GABRA5: variants seen among roughly 807,000 people sequenced by gnomAD.
The protein encoded by GABRA5 is gamma-aminobutyric acid receptor subunit alpha-5.
A neutral mutation model predicts 47.3 loss-of-function variants in GABRA5; 18 were observed. The ratio of observed to expected loss-of-function variants is 0.38; its 90% CI spans 0.26 to 0.56. GABRA5 has a LOEUF of 0.56. Among genes scored for constraint, GABRA5 ranks in the 20% least tolerant of loss-of-function variants. The pLI is 0.71. For missense variants in GABRA5, 365 were observed against 599.3 expected, an observed-to-expected ratio of 0.61 and a Z score of 4.08; for synonymous variants, 237 against 229.3, an observed-to-expected ratio of 1.03 and a Z score of -0.30.
intron 3 of GABRA5, among the ~76,000 whole-genome samples, chr15:26,874,254 G>C (rs1169941420): frequency 1.3e-5 from 2 of 152,042 alleles, no homozygotes; most frequent in East Asian, 3.9e-4. Context: ...ATGTATATGA[G>C]TGTATCATAT....
chr15:26,911,772 C>A (rs554822284), intron 6 of GABRA5, among the ~76,000 whole-genome samples: 1 of 152,138 alleles, frequency 6.6e-6, no homozygotes, highest in Non-Finnish European at 1.5e-5. Context: ...GGGGGTAACT[C>A]GGACTCTCCA....
At chr15:26,887,638 C>A (rs1003846661) in intron 6 of GABRA5, among the ~76,000 whole-genome samples, 5 of 152,170 alleles carry the variant, frequency 3.3e-5, no homozygotes, top group Non-Finnish European at 4.4e-5. Flanking sequence ...AGGTGTGAGC[C>A]ACTGCACCCA....
At chr15:26,940,854 A>G (rs1894366529) in intron 9 of GABRA5, among the ~76,000 whole-genome samples, 1 of 152,220 alleles carries the variant, frequency 6.6e-6, no homozygotes, top group Admixed American at 6.5e-5. Flanking sequence ...CTGAGTCTTA[A>G]TTACCTCGAA....
At chr15:26,905,319 A>T (rs1298134749) in intron 6 of GABRA5, among the ~76,000 whole-genome samples, 1 of 151,380 alleles carries the variant, frequency 6.6e-6, no homozygotes, top group Admixed American at 6.6e-5. Flanking sequence ...ATTTCCTCCC[A>T]CCACCTCTGG....
At chr15:26,876,516 C>T (rs1351181277) in intron 3 of GABRA5, among the ~76,000 whole-genome samples, 1 of 152,112 alleles carries the variant, frequency 6.6e-6, no homozygotes, top group Non-Finnish European at 1.5e-5. Flanking sequence ...AGGAATGTTG[C>T]CCACAGGTCA....
chr15:26,914,197 T>C (rs558466713), intron 6 of GABRA5, among the ~76,000 whole-genome samples: 28 of 152,286 alleles, frequency 1.8e-4, no homozygotes, highest in African/African-American at 6.3e-4. Context: ...CAGAAGATTG[T>C]TATGATATTA....
chr15:26,942,939 C>T (rs1894419011), intron 9 of GABRA5, among the ~76,000 whole-genome samples: 1 of 152,106 alleles, frequency 6.6e-6, no homozygotes, highest in African/African-American at 2.4e-5. Context: ...CAGAAATTAG[C>T]CAGGTGTGGT....
At chr15:26,942,558 G>T (rs1182123543) in intron 9 of GABRA5, among the ~76,000 whole-genome samples, 2 of 152,210 alleles carry the variant, frequency 1.3e-5, no homozygotes, top group African/African-American at 4.8e-5. Context: ...GCTGCGGCAT[G>T]AATGTGACTG....
intron 6 of GABRA5, among the ~76,000 whole-genome samples, chr15:26,889,795 G>A (rs538071125): frequency 6.6e-6 from 1 of 152,044 alleles, no homozygotes; most frequent in South Asian, 2.1e-4. Context: ...TACAAAGTGC[G>A]GAATATGGTT....
chr15:26,887,477 T>C (rs1892906353), intron 6 of GABRA5, among the ~76,000 whole-genome samples: 1 of 152,058 alleles, frequency 6.6e-6, no homozygotes, highest in Non-Finnish European at 1.5e-5. Context: ...TTACAGGTGC[T>C]TGCCACCATG....
At chr15:26,931,509 T>C (rs966624874) in intron 7 of GABRA5, among the ~76,000 whole-genome samples, 1 of 152,182 alleles carries the variant, frequency 6.6e-6, no homozygotes, top group African/African-American at 2.4e-5. Context: ...GATTTTAACA[T>C]AAGAATTTTG....
Position 26,943,352 on chromosome 15 carries a change from G to T in GABRA5, c.1015G>T (p.Ala339Ser). 6.3e-7 allele frequency: 1 copy of T among 1,599,026 alleles called. No individual in the cohort carries two copies. Among genetic ancestry groups the T allele is most frequent in the Non-Finnish European group, 8.5e-7 (1 of 1,172,894 alleles). Residue 339 changes from alanine to serine, a missense_variant, in exon 10 of 11, where the codon GCC (alanine) becomes TCC (serine). Coordinates refer to ENST00000335625, the MANE Select transcript of GABRA5 (RefSeq NM_000810.4). ...AFVFSALIEF[A>S]TVNYFTKRGW... Reference sequence around the variant, plus strand: ...CGTCTTCTCGGCGCTGATAGAGTTTGCCACGGTCAATTACTTTACCAAGAG... The same window carrying T: ...CGTCTTCTCGGCGCTGATAGAGTTTTCCACGGTCAATTACTTTACCAAGAG...
At chr15:26,932,549 C>T (rs1372036812) in intron 7 of GABRA5, among the ~76,000 whole-genome samples, 1 of 152,212 alleles carries the variant, frequency 6.6e-6, no homozygotes, top group Non-Finnish European at 1.5e-5. Flanking sequence ...TTGTGAAAGA[C>T]AGCGTGGTGA....
intron 3 of GABRA5, among the ~76,000 whole-genome samples, chr15:26,873,775 C>G (rs1892526771): frequency 2.0e-5 from 3 of 152,162 alleles, no homozygotes; most frequent in Non-Finnish European, 4.4e-5. Context: ...GATAACAATT[C>G]TGAAAGCACT....
At chr15:26,892,291 T>TAGC (rs1238247529) in intron 6 of GABRA5, among the ~76,000 whole-genome samples, 1 of 152,246 alleles carries the variant, frequency 6.6e-6, no homozygotes, top group African/African-American at 2.4e-5. Flanking sequence ...CAGCAGTGGG[T>TAGC]AGCCGGCTGT....
chr15:26,946,008 G>A (rs1400670974), intron 10 of GABRA5, among the ~76,000 whole-genome samples: 2 of 152,122 alleles, frequency 1.3e-5, no homozygotes, highest in East Asian at 1.9e-4. Flanking sequence ...AGGCGGGGAC[G>A]GCAAAACTGC....
Position 26,869,342 on chromosome 15 carries a change from A to G in GABRA5, c.86+8A>G. On this transcript the variant is annotated splice_region_variant and intron_variant, in intron 3 of 10. Transcript: ENST00000335625. ...CTTATCCAGTCACTTTGGGTAAGTTACCATCTGTGCTTTTATTTTATGATG... is the reference window on the plus strand; with the variant it reads ...CTTATCCAGTCACTTTGGGTAAGTTGCCATCTGTGCTTTTATTTTATGATG... The G allele has an allele frequency of 1.9e-6, 3 of 1,540,836 alleles. No individual in the cohort carries two copies. The highest frequency in any genetic ancestry group is 2.7e-6 in the Non-Finnish European group (3 of 1,113,394).
intron 7 of GABRA5, among the ~76,000 whole-genome samples, chr15:26,917,579 C>A (rs1296056441): frequency 1.3e-5 from 2 of 151,990 alleles, no homozygotes; most frequent in African/African-American, 4.8e-5. Flanking sequence ...ATGCAGGACT[C>A]ATAAGTTTGA....
intron 3 of GABRA5, among the ~76,000 whole-genome samples, chr15:26,872,078 A>G (rs1468758379): frequency 6.6e-6 from 1 of 152,206 alleles, no homozygotes; most frequent in Non-Finnish European, 1.5e-5. Flanking sequence ...GCCACAAAAG[A>G]CATCATAAAA....
Sources: gnomAD v4.1 joint callset for allele counts (sites outside exome capture counted in the v4.1 genomes callset) on GRCh38, gnomAD v4.1.1 for gene constraint, MANE v1.5 for transcripts, NCBI Gene and HGNC (gene_info 2026-07-23, HGNC 2026-07-21) for gene names.